The following CNTN5 variants were observed in gnomAD, a reference collection of about 807,000 sequenced individuals.
CNTN5 encodes contactin-5.
Under a neutral mutation model 129.1 loss-of-function variants are expected in CNTN5, and 77 were observed. That is an observed-to-expected ratio of 0.60 (90% CI 0.50 to 0.72). CNTN5 has a LOEUF of 0.72. Among genes scored for constraint, CNTN5 ranks in the 30% least tolerant of loss-of-function variants. The pLI is 0.00. For synonymous variants in CNTN5, 509 were observed against 465.6 expected, an observed-to-expected ratio of 1.09 and a Z score of -1.20; for missense variants, 1,478 against 1,328.8, an observed-to-expected ratio of 1.11 and a Z score of -1.75.
At chr11:99,765,696 A>G (rs1036582026) in intron 3 of CNTN5, among the ~76,000 whole-genome samples, 1 of 151,350 alleles carries the variant, frequency 6.6e-6, no homozygotes, top group Admixed American at 6.6e-5. Context: ...TTTAATGTCA[A>G]AGACAACTAT....
chr11:99,349,186 G>T (rs1504737), intron 2 of CNTN5, among the ~76,000 whole-genome samples: 2 of 151,948 alleles, frequency 1.3e-5, no homozygotes, highest in African/African-American at 2.4e-5. Flanking sequence ...GAATGTGCCC[G>T]ATCGTGTCTG....
intron 9 of CNTN5, among the ~76,000 whole-genome samples, chr11:100,020,832 A>C (rs914941799): frequency 6.6e-6 from 1 of 152,160 alleles, no homozygotes; most frequent in Non-Finnish European, 1.5e-5. Context: ...TAGCATCAAA[A>C]AGATAAAATA....
In CNTN5 at chr11:99,237,565, C is replaced by A. The variant is rs192887083; in HGVS notation, c.-209-87781C>A. Among the ~76,000 whole-genome samples the A allele has an allele frequency of 3.8e-3, 577 of 152,150 alleles. 5 individuals carry two copies. Among genetic ancestry groups the A allele is most frequent in the African/African-American group, 0.012 (478 of 41,502 alleles). ...GCATGGTGGCACACACCTGTAGTCC[C>A]AGGTACTCAGGAGGCTGAGGCAGGG... On this transcript the variant is annotated intron_variant, in intron 1 of 24. Transcript: ENST00000524871.
At chr11:99,980,896 C>T (rs1938287356) in intron 8 of CNTN5, among the ~76,000 whole-genome samples, 1 of 151,316 alleles carries the variant, frequency 6.6e-6, no homozygotes, top group Admixed American at 6.6e-5. Flanking sequence ...TTATCAATGT[C>T]AAAGAGCTAA....
chr11:100,170,876 G>A (rs769863886), intron 13 of CNTN5, among the ~76,000 whole-genome samples: 9 of 143,100 alleles, frequency 6.3e-5, no homozygotes, highest in African/African-American at 2.2e-4. Flanking sequence ...AATTATAGAA[G>A]GTATCCTGAA....
At chr11:99,049,020 T>C (rs1864320589) in intron 1 of CNTN5, among the ~76,000 whole-genome samples, 1 of 152,140 alleles carries the variant, frequency 6.6e-6, no homozygotes, top group South Asian at 2.1e-4. Flanking sequence ...TCAATCCCTC[T>C]ACCCTTCCTG....
intron 2 of CNTN5, among the ~76,000 whole-genome samples, chr11:99,475,392 C>T (rs1299894390): frequency 6.6e-6 from 1 of 152,160 alleles, no homozygotes; most frequent in Non-Finnish European, 1.5e-5. Flanking sequence ...TTACTCAGTT[C>T]CAGGTATTCT....
At chr11:99,313,539 A>C (rs1268160820) in intron 1 of CNTN5, among the ~76,000 whole-genome samples, 1 of 151,904 alleles carries the variant, frequency 6.6e-6, no homozygotes, top group Non-Finnish European at 1.5e-5. Context: ...TTATTTACTT[A>C]TGGTTTATGG....
At chr11:99,031,518 AG>A (rs1490211757) in intron 1 of CNTN5, among the ~76,000 whole-genome samples, 1 of 152,002 alleles carries the variant, frequency 6.6e-6, no homozygotes, top group African/African-American at 2.4e-5. Flanking sequence ...TTGGATAGAG[AG>A]GAAAAAAAGG....
intron 3 of CNTN5, among the ~76,000 whole-genome samples, chr11:99,600,091 A>T (rs1263424828): frequency 2.0e-5 from 3 of 152,166 alleles, no homozygotes; most frequent in African/African-American, 7.2e-5. Context: ...ATAGCAGAGT[A>T]AAATGGCTAC....
chr11:99,805,570 A>G (rs536605840), intron 3 of CNTN5, among the ~76,000 whole-genome samples: 3 of 152,310 alleles, frequency 2.0e-5, no homozygotes, highest in South Asian at 2.1e-4. Context: ...TATTGGAACT[A>G]TAGCTCCCCA....
chr11:100,176,949 C>G (rs141109122), intron 13 of CNTN5, among the ~76,000 whole-genome samples: 40 of 150,888 alleles, frequency 2.7e-4, no homozygotes, highest in African/African-American at 9.3e-4. Context: ...CGAGATCTTC[C>G]CAGCACAGAG....
intron 2 of CNTN5, among the ~76,000 whole-genome samples, chr11:99,486,202 A>G (rs1054438187): frequency 5.9e-5 from 9 of 152,106 alleles, no homozygotes; most frequent in Admixed American, 2.0e-4. Flanking sequence ...AGATATGTCT[A>G]GACCAAGTTG....
At chr11:99,515,153 A>G (rs1047760147) in intron 2 of CNTN5, among the ~76,000 whole-genome samples, 1 of 152,106 alleles carries the variant, frequency 6.6e-6, no homozygotes, top group Non-Finnish European at 1.5e-5. Flanking sequence ...ATGTATATTT[A>G]TACATATTTG....
chr11:100,007,062 TC>T (rs1326235655), intron 9 of CNTN5, among the ~76,000 whole-genome samples: 1 of 152,084 alleles, frequency 6.6e-6, no homozygotes, highest in Non-Finnish European at 1.5e-5. Context: ...AGATGCATTG[TC>T]AATGGACAGT....
intron 2 of CNTN5, among the ~76,000 whole-genome samples, chr11:99,360,049 A>G (rs1295777551): frequency 6.6e-6 from 1 of 151,864 alleles, no homozygotes; most frequent in Non-Finnish European, 1.5e-5. Context: ...ACTCATAAAA[A>G]TTAAAAATTT....
chr11:99,447,364 A>C (rs1167532929), intron 2 of CNTN5, among the ~76,000 whole-genome samples: 1 of 152,156 alleles, frequency 6.6e-6, no homozygotes, highest in East Asian at 1.9e-4. Flanking sequence ...AGTTTGTCTC[A>C]CTGACCCTTT....
chr11:99,626,822 C>T (rs184804534), intron 3 of CNTN5, among the ~76,000 whole-genome samples: 2 of 152,122 alleles, frequency 1.3e-5, no homozygotes, highest in African/African-American at 4.8e-5. Flanking sequence ...ACAGATGCCC[C>T]AAATACTGAC....
chr11:99,139,946 T>G (rs1327505326), intron 1 of CNTN5, among the ~76,000 whole-genome samples: 1 of 152,156 alleles, frequency 6.6e-6, no homozygotes, highest in Non-Finnish European at 1.5e-5. Context: ...AGATCGATAT[T>G]AAGTGTCTTA....
Sources: gnomAD v4.1 joint callset for allele counts (sites outside exome capture counted in the v4.1 genomes callset) on GRCh38, gnomAD v4.1.1 for gene constraint, MANE v1.5 for transcripts, NCBI Gene and HGNC (gene_info 2026-07-23, HGNC 2026-07-21) for gene names.